RGS6: variants seen among roughly 807,000 people sequenced by gnomAD.
RGS6 encodes the protein regulator of G-protein signaling 6.
In RGS6, 30 loss-of-function variants were observed where a neutral mutation model predicts 78.5. The ratio of observed to expected loss-of-function variants is 0.38; its 90% CI spans 0.29 to 0.52. The LOEUF (loss-of-function observed/expected upper bound fraction) is 0.52, where lower values mean the gene tolerates loss of function less well. Among genes scored for constraint, RGS6 ranks in the 20% least tolerant of loss-of-function variants. RGS6 has a pLI of 0.85. For synonymous variants in RGS6, 206 were observed against 206.0 expected, an observed-to-expected ratio of 1.00 and a Z score of 0.00; for missense variants, 495 against 609.7, an observed-to-expected ratio of 0.81 and a Z score of 1.98.
At chr14:71,930,916 G>A (rs2087811003), upstream of RGS6, among the ~76,000 whole-genome samples, 1 of 140,900 alleles carries the variant, frequency 7.1e-6, no homozygotes, top group South Asian at 2.3e-4. Context: ...GGCGGAGGTT[G>A]CAGTGAGCGA....
chr14:71,882,951 G>T, the RGS6 span, among the ~76,000 whole-genome samples: 2 of 152,158 alleles, frequency 1.3e-5, no homozygotes, highest in African/African-American at 2.4e-5. Flanking sequence ...CCTTGTTTGG[G>T]TGTTAATGAC....
At chr14:71,882,028 C>CA in the RGS6 span, among the ~76,000 whole-genome samples, 1 of 152,216 alleles carries the variant, frequency 6.6e-6, no homozygotes, top group African/African-American at 2.4e-5. Context: ...CATTGTTCCA[C>CA]AACCATCTCC....
chr14:72,198,798 C>A (rs2040812028), intron 2 of RGS6, among the ~76,000 whole-genome samples: 1 of 152,106 alleles, frequency 6.6e-6, no homozygotes, highest in Non-Finnish European at 1.5e-5. Context: ...AACAAATGAC[C>A]AGTGTGGTAG....
At chr14:72,547,379 C>G (rs1567103991) in intron 17 of RGS6, 2 of 1,400,390 alleles carry the variant, frequency 1.4e-6, no homozygotes, top group Non-Finnish European at 1.9e-6. Context: ...TAAGACCCCC[C>G]CCCGACCCAT....
At chr14:72,406,097 G>A (rs1193416887) in intron 3 of RGS6, among the ~76,000 whole-genome samples, 1 of 152,138 alleles carries the variant, frequency 6.6e-6, no homozygotes, top group East Asian at 1.9e-4. Context: ...TGCAAAAGAG[G>A]AAATAAGGGC....
the RGS6 span, among the ~76,000 whole-genome samples, chr14:71,922,434 G>T: frequency 6.6e-6 from 1 of 152,110 alleles, no homozygotes; most frequent in Non-Finnish European, 1.5e-5. Context: ...TGGGAATAAT[G>T]CATATGATTG....
intron 3 of RGS6, among the ~76,000 whole-genome samples, chr14:72,412,439 T>C (rs547046800): frequency 6.6e-6 from 1 of 152,316 alleles, no homozygotes; most frequent in South Asian, 2.1e-4. Context: ...TTATTGCGTC[T>C]ATTTGATTCT....
At position 72,279,489 on chromosome 14, in the gene RGS6, G is replaced by A. The variant is rs191376752; in HGVS notation, c.85-72606G>A. ...GATCCTCCATAAGAAGGTCTCTTTG[G>A]CCTACTCTGCTCAGAAATATATAAG... On this transcript the variant is annotated intron_variant, in intron 2 of 17. Transcript: ENST00000553525. Among the ~76,000 whole-genome samples the A allele has an allele frequency of 2.0e-4, 31 of 152,238 alleles. 1 individual carries two copies. In the South Asian group the frequency reaches 6.2e-3, roughly 31 times the overall value.
chr14:72,375,475 G>A (rs1811597712), intron 3 of RGS6, among the ~76,000 whole-genome samples: 1 of 152,182 alleles, frequency 6.6e-6, no homozygotes. Context: ...TAGGCTGGCT[G>A]AGCAGCTGTG....
chr14:72,411,539 C>T (rs1191568903), intron 3 of RGS6, among the ~76,000 whole-genome samples: 2 of 152,148 alleles, frequency 1.3e-5, no homozygotes, highest in Non-Finnish European at 2.9e-5. Context: ...TCCTCTTTTC[C>T]TAAATGAATA....
At chr14:72,232,682 G>A (rs1451791153) in intron 2 of RGS6, among the ~76,000 whole-genome samples, 1 of 152,192 alleles carries the variant, frequency 6.6e-6, no homozygotes, top group Non-Finnish European at 1.5e-5. Context: ...GGACTCTCCT[G>A]TGAAAGGGGT....
chr14:72,422,143 C>T (rs532218706), intron 3 of RGS6, among the ~76,000 whole-genome samples: 45 of 152,318 alleles, frequency 3.0e-4, no homozygotes, highest in Non-Finnish European at 5.0e-4. Flanking sequence ...ACATGACTTG[C>T]ACCTCCTTGC....
the RGS6 span, among the ~76,000 whole-genome samples, chr14:71,904,554 T>G: frequency 2.0e-5 from 3 of 152,146 alleles, no homozygotes; most frequent in Admixed American, 6.5e-5. Context: ...ATAGATTGAG[T>G]TTAAATGATG....
chr14:71,948,266 G>C (rs2091824376), intron 1 of RGS6, among the ~76,000 whole-genome samples: 1 of 152,158 alleles, frequency 6.6e-6, no homozygotes, highest in Admixed American at 6.5e-5. Context: ...CTCAGGGAAG[G>C]ACTTTGGTCC....
Position 72,022,306 on chromosome 14 carries a change from G to C in RGS6, c.84+57431G>C, listed in dbSNP as rs1224540700. ...TGGCTGTATACCCAGCAGTGGGATTGCTGGGTCGAATGATAGTTCTGCTTT... is the reference window on the plus strand; with the variant it reads ...TGGCTGTATACCCAGCAGTGGGATTCCTGGGTCGAATGATAGTTCTGCTTT... On this transcript the variant is annotated intron_variant, in intron 2 of 17. Coordinates refer to ENST00000553525, the MANE Select transcript of RGS6 (RefSeq NM_001204424.2). 3.3e-5 allele frequency: 5 copies of C among 152,300 alleles called. No homozygotes were observed. In the East Asian group the frequency reaches 9.6e-4, roughly 29 times the overall value. 9.4% of individuals were successfully genotyped at this position (152,300 alleles called of 1,614,324 possible).
At chr14:71,919,476 G>A in the RGS6 span, among the ~76,000 whole-genome samples, 1 of 152,136 alleles carries the variant, frequency 6.6e-6, no homozygotes. Context: ...GTGTGTGTGT[G>A]TGATGTGTAT....
At chr14:71,972,526 T>A (rs1194510532) in intron 2 of RGS6, among the ~76,000 whole-genome samples, 2 of 152,154 alleles carry the variant, frequency 1.3e-5, no homozygotes, top group Non-Finnish European at 2.9e-5. Flanking sequence ...ATAAGGGAAT[T>A]CTTCATGAAA....
At chr14:72,110,675 G>A (rs930298933) in intron 2 of RGS6, among the ~76,000 whole-genome samples, 6 of 152,186 alleles carry the variant, frequency 3.9e-5, no homozygotes, top group South Asian at 4.1e-4. Context: ...ATTTTTACAT[G>A]AAGTCTATAA....
At chr14:72,119,014 T>C (rs1191967456) in intron 2 of RGS6, among the ~76,000 whole-genome samples, 1 of 152,184 alleles carries the variant, frequency 6.6e-6, no homozygotes, top group Admixed American at 6.5e-5. Context: ...TGGATAGATA[T>C]TATCTATTTT....
Sources: gnomAD v4.1 joint callset for allele counts (sites outside exome capture counted in the v4.1 genomes callset) on GRCh38, gnomAD v4.1.1 for gene constraint, MANE v1.5 for transcripts, NCBI Gene and HGNC (gene_info 2026-07-23, HGNC 2026-07-21) for gene names.